KCND2: variants seen among roughly 807,000 people sequenced by gnomAD.
The protein encoded by KCND2 is A-type voltage-gated potassium channel KCND2.
Under a neutral mutation model 54.4 loss-of-function variants are expected in KCND2, and 16 were observed. The ratio of observed to expected loss-of-function variants is 0.29; its 90% confidence interval spans 0.20 to 0.45. The LOEUF (loss-of-function observed/expected upper bound fraction) is 0.45, where lower values mean the gene tolerates loss of function less well. Ranked by LOEUF, KCND2 falls within the 20% of genes least tolerant of loss-of-function variation. KCND2 has a pLI of 1.00. For synonymous variants in KCND2, 317 were observed against 310.7 expected, an observed-to-expected ratio of 1.02 and a Z score of -0.21; for missense variants, 486 against 824.2, an observed-to-expected ratio of 0.59 and a Z score of 5.02.
At position 120,748,624 on chromosome 7, in the gene KCND2, T is replaced by G. The variant is rs1793035258; in HGVS notation, c.*766T>G. Reference sequence around the variant, plus strand: ...AATAATTTGTTGTACAACTGTTGTATCAGGAATCAGGATTTTTTTGTTGTT... The same window carrying G: ...AATAATTTGTTGTACAACTGTTGTAGCAGGAATCAGGATTTTTTTGTTGTT... On this transcript the variant is annotated 3_prime_UTR_variant, in exon 6 of 6. Coordinates refer to ENST00000331113, the MANE Select transcript of KCND2 (RefSeq NM_012281.3). 1 of 152,478 alleles carries G rather than the reference T, an allele frequency of 6.6e-6. No homozygotes were observed. The highest frequency in any genetic ancestry group is 2.1e-4 in the South Asian group (1 of 4,834). The allele number at this position is 152,478 out of a possible 1,614,324, so 9.4% of individuals were successfully genotyped here.
chr7:120,581,036 A>G (rs1170772781), intron 1 of KCND2, among the ~76,000 whole-genome samples: 2 of 152,258 alleles, frequency 1.3e-5, no homozygotes, highest in Non-Finnish European at 2.9e-5. Context: ...TCAATAAAAT[A>G]TATGTGGTTG....
At chr7:120,580,569 A>T (rs1792502494) in intron 1 of KCND2, among the ~76,000 whole-genome samples, 1 of 152,190 alleles carries the variant, frequency 6.6e-6, no homozygotes, top group South Asian at 2.1e-4. Context: ...GTTTACAAAC[A>T]CCTGCCCCTG....
In KCND2 at chr7:120,321,743, T is replaced by A. The variant is rs114092425; in HGVS notation, c.1115+45996T>A. On this transcript the variant is annotated intron_variant, in intron 1 of 5. Transcript: ENST00000331113. ...CTTTACATATACTGCCTAATGTTCT[T>A]TTTATGTCCAACACGCTTGCTGTTC... 4.6e-3 allele frequency among the ~76,000 whole-genome samples: 700 copies of A among 152,236 alleles called. 9 individuals carry two copies. Among genetic ancestry groups the A allele is most frequent in the African/African-American group, 0.016 (682 of 41,554 alleles).
chr7:120,379,276 A>G (rs1330641408), intron 1 of KCND2, among the ~76,000 whole-genome samples: 1 of 152,032 alleles, frequency 6.6e-6, no homozygotes, highest in East Asian at 1.9e-4. Flanking sequence ...TTTCATCCAT[A>G]TGTAATAACA....
At chr7:120,602,624 A>G (rs1337661627) in intron 1 of KCND2, among the ~76,000 whole-genome samples, 1 of 152,218 alleles carries the variant, frequency 6.6e-6, no homozygotes, top group Non-Finnish European at 1.5e-5. Flanking sequence ...ATCAATTTAT[A>G]ACCTAAAATA....
chr7:120,676,260 T>C (rs1385147481), intron 1 of KCND2, among the ~76,000 whole-genome samples: 1 of 152,232 alleles, frequency 6.6e-6, no homozygotes, highest in Non-Finnish European at 1.5e-5. Context: ...TTTATTTAAC[T>C]TTTTGGTAGG....
intron 1 of KCND2, among the ~76,000 whole-genome samples, chr7:120,567,664 T>C (rs1217114626): frequency 6.6e-6 from 1 of 152,184 alleles, no homozygotes; most frequent in African/African-American, 2.4e-5. Context: ...TATAAAACAT[T>C]GCTTATAATT....
chr7:120,571,084 C>G (rs1792360099), intron 1 of KCND2, among the ~76,000 whole-genome samples: 1 of 152,180 alleles, frequency 6.6e-6, no homozygotes, highest in Non-Finnish European at 1.5e-5. Context: ...AACTACACCC[C>G]TACGAGCTTC....
intron 1 of KCND2, among the ~76,000 whole-genome samples, chr7:120,628,063 TCC>T (rs1793184510): frequency 6.6e-6 from 1 of 152,188 alleles, no homozygotes; most frequent in Non-Finnish European, 1.5e-5. Context: ...ACATGTTGGT[TCC>T]AAGAATCTTC....
chr7:120,613,562 C>T (rs970068791), intron 1 of KCND2, among the ~76,000 whole-genome samples: 12 of 152,016 alleles, frequency 7.9e-5, no homozygotes, highest in African/African-American at 2.7e-4. Context: ...GGGTTGCAAC[C>T]ATTTGTACAA....
At chr7:120,736,152 T>C (rs10256493) in intron 2 of KCND2, among the ~76,000 whole-genome samples, 18,267 of 152,054 alleles carry the variant, frequency 0.12, 2,774 homozygotes, top group African/African-American at 0.36. Context: ...ATTGCCACAC[T>C]AAGACCAAGC....
chr7:120,288,275 A>G (rs374967113), intron 1 of KCND2, among the ~76,000 whole-genome samples: 2 of 152,078 alleles, frequency 1.3e-5, no homozygotes, highest in African/African-American at 2.4e-5. Context: ...GTATGAAGAC[A>G]CTCTAAATCT....
intron 1 of KCND2, among the ~76,000 whole-genome samples, chr7:120,477,571 G>A (rs770659745): frequency 1.3e-5 from 2 of 151,970 alleles, no homozygotes; most frequent in African/African-American, 2.4e-5. Flanking sequence ...TGTCTTTTTG[G>A]TGCTTGCTTT....
rs539266160 is a variant in KCND2, at chr7:120,312,234, G to A, written c.1115+36487G>A. Among the ~76,000 whole-genome samples, 16 of 152,010 alleles carry A rather than the reference G, an allele frequency of 1.1e-4. No individual in the cohort carries two copies. In the East Asian group the frequency reaches 1.9e-3, roughly 18 times the overall value. On this transcript the variant is annotated intron_variant, in intron 1 of 5. Coordinates refer to ENST00000331113, the MANE Select transcript of KCND2 (RefSeq NM_012281.3). ...TAGGTATTTTTTTTTAAATGACCGC[G>A]TAGTATTCCATGGTGTATATGCACC...
At chr7:120,708,950 T>C (rs2116058696) in intron 1 of KCND2, among the ~76,000 whole-genome samples, 1 of 152,206 alleles carries the variant, frequency 6.6e-6, no homozygotes, top group East Asian at 1.9e-4. Flanking sequence ...AAATAAATAA[T>C]GAGAAAACTG....
At chr7:120,590,406 G>A (rs558401809) in intron 1 of KCND2, among the ~76,000 whole-genome samples, 2 of 152,180 alleles carry the variant, frequency 1.3e-5, no homozygotes, top group South Asian at 4.1e-4. Context: ...GAAATTGCAT[G>A]CCCCAAATCC....
At chr7:120,390,910 T>A (rs1356816604) in intron 1 of KCND2, among the ~76,000 whole-genome samples, 2 of 152,102 alleles carry the variant, frequency 1.3e-5, no homozygotes, top group Admixed American at 6.6e-5. Flanking sequence ...TAAATTTTTT[T>A]AAATTTTACT....
chr7:120,571,447 G>A (rs545943595), intron 1 of KCND2, among the ~76,000 whole-genome samples: 2 of 152,286 alleles, frequency 1.3e-5, no homozygotes, highest in Middle Eastern at 3.4e-3. Flanking sequence ...GTTCGTGAAA[G>A]GAACAGAGGG....
chr7:120,623,131 T>A (rs1046187070), intron 1 of KCND2, among the ~76,000 whole-genome samples: 2 of 152,188 alleles, frequency 1.3e-5, no homozygotes, highest in African/African-American at 4.8e-5. Flanking sequence ...TAACTTTTGG[T>A]ATTCTATTTT....
Sources: allele counts gnomAD v4.1 joint callset (sites outside exome capture counted in the v4.1 genomes callset), GRCh38; gene constraint gnomAD v4.1.1; transcripts MANE v1.5; gene names NCBI Gene and HGNC (gene_info 2026-07-23, HGNC 2026-07-21).